Variants in NCALD observed in about 807,000 individuals in gnomAD.
The protein encoded by NCALD is neurocalcin-delta.
NCALD carries 10 observed loss-of-function variants against 18.6 expected under a neutral mutation model. The ratio of observed to expected loss-of-function variants is 0.54; its 90% CI spans 0.33 to 0.91. The LOEUF is 0.91. Among genes scored for constraint, NCALD ranks in the 40% least tolerant of loss-of-function variants. The pLI is 0.03. For synonymous variants in NCALD, 88 were observed against 87.4 expected (o/e 1.01, Z -0.04); for missense variants, 184 against 247.6 (o/e 0.74, Z 1.72).
rs181859209 is a variant in NCALD at position 101,962,078 on chromosome 8, A to T, written c.-156-46220T>A. 1.9e-3 allele frequency among the ~76,000 whole-genome samples: 290 copies of T among 152,282 alleles called. 1 individual carries two copies. The highest frequency in any genetic ancestry group is 3.1e-3 in the Non-Finnish European group (209 of 68,006). On this transcript the variant is annotated intron_variant, in intron 2 of 6. Coordinates refer to the NCALD transcript ENST00000311028. ...AAAGCAAAGGACCAAACTGTGGCTT[A>T]TTCATTTTGTTATTTAAAAAAAAAT...
At chr8:101,868,302 CCTT>C (rs148134709) in intron 4 of NCALD, among the ~76,000 whole-genome samples, 2,367 of 152,264 alleles carry the variant, frequency 0.016, 21 homozygotes, top group African/African-American at 0.032. Context: ...CTCGCACTGA[CCTT>C]CTCCTAAACC....
chr8:101,981,088 CT>C (rs1189876958), intron 2 of NCALD, among the ~76,000 whole-genome samples: 1 of 152,322 alleles, frequency 6.6e-6, no homozygotes, highest in Admixed American at 6.5e-5. Flanking sequence ...ATATCAATCA[CT>C]TTTCATGGGT....
intron 3 of NCALD, among the ~76,000 whole-genome samples, chr8:101,690,090 G>A (rs1323329802): frequency 2.0e-5 from 3 of 151,978 alleles, no homozygotes; most frequent in Admixed American, 6.6e-5. Flanking sequence ...GGAGGAGGGA[G>A]GCTCAGCAGC....
rs909994805 is a variant in NCALD, at chr8:101,691,001, G to A, written c.485-1595C>T. The A allele has an allele frequency of 3.0e-6, 3 of 985,270 alleles. No individual in the cohort carries two copies. The African/African-American group carries it at 5.2e-5, about 17-fold the overall frequency. The allele number at this position is 985,270 out of a possible 1,614,324, so 61.0% of individuals were successfully genotyped here. On this transcript the variant is annotated intron_variant, in intron 3 of 3. Coordinates refer to ENST00000220931, the MANE Select transcript of NCALD (RefSeq NM_032041.3). Reference sequence around the variant, plus strand: ...GGCTCCTAGGAGAACTTGCCTGAGGGCCCAGATTTTTCTTTTCAAATCGGA... The same window carrying A: ...GGCTCCTAGGAGAACTTGCCTGAGGACCCAGATTTTTCTTTTCAAATCGGA...
intron 1 of NCALD, among the ~76,000 whole-genome samples, chr8:102,076,758 G>C (rs541885251): frequency 6.6e-6 from 1 of 152,210 alleles, no homozygotes; most frequent in East Asian, 1.9e-4. Flanking sequence ...AATAATTACA[G>C]GTAGCTATAA....
chr8:101,785,562 G>A (rs1035559501), intron 1 of NCALD, among the ~76,000 whole-genome samples: 5 of 152,142 alleles, frequency 3.3e-5, no homozygotes, highest in East Asian at 1.9e-4. Flanking sequence ...ATTTCTGGGT[G>A]AGTGAAAAAT....
At chr8:102,033,369 A>G (rs1002462590) in intron 1 of NCALD, among the ~76,000 whole-genome samples, 4 of 152,054 alleles carry the variant, frequency 2.6e-5, no homozygotes, top group African/African-American at 9.7e-5. Context: ...TGAATCAACA[A>G]CCCCTAGAGA....
At chr8:101,908,100 A>T (rs759647775) in intron 3 of NCALD, among the ~76,000 whole-genome samples, 3 of 152,234 alleles carry the variant, frequency 2.0e-5, no homozygotes, top group Admixed American at 1.3e-4. Context: ...ACAAGAATGG[A>T]AAGAAAATAT....
At chr8:101,708,402 G>A (rs1815631117) in intron 2 of NCALD, among the ~76,000 whole-genome samples, 1 of 152,140 alleles carries the variant, frequency 6.6e-6, no homozygotes, top group African/African-American at 2.4e-5. Flanking sequence ...GAACAAACAT[G>A]TTATAACAAA....
At chr8:101,691,167 GC>G in intron 3 of NCALD, 1 of 985,426 alleles carries the variant, frequency 1.0e-6, no homozygotes, top group South Asian at 4.7e-5. Context: ...CTGAGCTGAA[GC>G]ACCCAGTCTC....
In NCALD at chr8:102,060,182, T is replaced by C. The variant is rs562514424; in HGVS notation, c.-209-39893A>G. ...ATTTTCGGTACAGACAGGGTTTCAC[T>C]GTGTTAGCCAGGATGGTCTTGATCT... is the stretch of plus-strand genomic sequence containing the variant. On this transcript the variant is annotated intron_variant, in intron 1 of 6. Coordinates refer to the NCALD transcript ENST00000311028. 2.0e-3 allele frequency among the ~76,000 whole-genome samples: 309 copies of C among 151,902 alleles called. 2 individuals are homozygous for C. Among genetic ancestry groups the C allele is most frequent in the South Asian group, 0.01 (49 of 4,816 alleles).
intron 3 of NCALD, chr8:101,692,338 G>A: frequency 1.0e-6 from 1 of 985,376 alleles, no homozygotes; most frequent in African/African-American, 1.7e-5. Flanking sequence ...CTCAGTGCAT[G>A]CACAGGAGAC....
chr8:101,733,455 C>G (rs1405367321), intron 1 of NCALD, among the ~76,000 whole-genome samples: 1 of 152,090 alleles, frequency 6.6e-6, no homozygotes, highest in Admixed American at 6.5e-5. Context: ...ACAATAGCAC[C>G]CTTTCCATAG....
chr8:101,691,024 G>A (rs185605244), intron 3 of NCALD: 15 of 985,378 alleles, frequency 1.5e-5, no homozygotes, highest in African/African-American at 1.0e-4. Flanking sequence ...TTTTCAAATC[G>A]GAGGCCAGAA....
chr8:101,709,249 C>T (rs1563679353), intron 2 of NCALD, among the ~76,000 whole-genome samples: 1 of 152,148 alleles, frequency 6.6e-6, no homozygotes, highest in African/African-American at 2.4e-5. Flanking sequence ...ATGGTGTACA[C>T]CCTACGGAGA....
At chr8:101,696,092 AC>A (rs1814976926) in intron 2 of NCALD, among the ~76,000 whole-genome samples, 1 of 152,048 alleles carries the variant, frequency 6.6e-6, no homozygotes. Flanking sequence ...ATGCAAACCC[AC>A]CCACCATTGC....
At chr8:101,817,093 G>T (rs1813527510) in intron 4 of NCALD, among the ~76,000 whole-genome samples, 1 of 152,130 alleles carries the variant, frequency 6.6e-6, no homozygotes, top group Non-Finnish European at 1.5e-5. Flanking sequence ...AGCCATTTAG[G>T]ATGTTCCTGC....
At chr8:102,010,810 A>G (rs2132064363) in intron 2 of NCALD, among the ~76,000 whole-genome samples, 1 of 152,330 alleles carries the variant, frequency 6.6e-6, no homozygotes, top group East Asian at 1.9e-4. Context: ...CCTCTTCTTC[A>G]TTGTGTTTGT....
At chr8:101,906,782 C>T (rs988270419) in intron 3 of NCALD, among the ~76,000 whole-genome samples, 4 of 152,170 alleles carry the variant, frequency 2.6e-5, no homozygotes, top group African/African-American at 9.7e-5. Context: ...ACTTTCCTCC[C>T]AGCCTGGTGG....
Sources: allele counts gnomAD v4.1 joint callset (sites outside exome capture counted in the v4.1 genomes callset), GRCh38; gene constraint gnomAD v4.1.1; transcripts MANE v1.5; gene names NCBI Gene and HGNC (gene_info 2026-07-23, HGNC 2026-07-21).